Variants in MASP1 observed in about 807,000 individuals in gnomAD.
The protein encoded by MASP1 is MBL associated serine protease 1.
A neutral mutation model predicts 77.1 loss-of-function variants in MASP1; 59 were observed. That is an observed-to-expected ratio of 0.77 (90% CI 0.62 to 0.95). MASP1 has a LOEUF of 0.95. Among genes scored for constraint, MASP1 ranks in the 40% least tolerant of loss-of-function variants. The pLI is 0.00. For synonymous variants in MASP1, 362 were observed against 354.5 expected (o/e 1.02, Z -0.24); for missense variants, 885 against 912.9 (o/e 0.97, Z 0.39).
intron 10 of MASP1, among the ~76,000 whole-genome samples, chr3:187,240,882 C>T (rs1348812549): frequency 5.9e-5 from 9 of 152,190 alleles, no homozygotes; most frequent in African/African-American, 1.4e-4. Context: ...ATGATCCACC[C>T]GCCTTGGCCT....
rs182305673 is a variant in MASP1 at position 187,237,333 on chromosome 3, C to G, written c.1304-766G>C. On this transcript the variant is annotated intron_variant, in intron 10 of 10. Transcript: ENST00000296280. The stretch of plus-strand genomic sequence containing the variant: ...TGACTCTTAAGTCAGATAGCAGAAG[C>G]TTAACTAGATTCTAAGTCTTGTATC... Among the ~76,000 whole-genome samples, 7 of 139,020 alleles carry G rather than the reference C, an allele frequency of 5.0e-5. No homozygotes were observed. The Admixed American group carries it at 5.3e-4, about 11-fold the overall frequency. 91.2% of individuals were successfully genotyped at this position (139,020 alleles called of 152,430 possible).
intron 2 of MASP1, among the ~76,000 whole-genome samples, chr3:187,283,741 A>T (rs936222464): frequency 2.6e-5 from 4 of 152,210 alleles, no homozygotes; most frequent in African/African-American, 9.7e-5. Context: ...GTCTAAATCC[A>T]TGGAACTTAT....
At chr3:187,233,196 T>C (rs1354107576), downstream of MASP1, among the ~76,000 whole-genome samples, 1 of 152,210 alleles carries the variant, frequency 6.6e-6, no homozygotes, top group East Asian at 1.9e-4. Flanking sequence ...TCAGACATAC[T>C]GAATTCAAAT....
rs769971687 is a variant in MASP1 at position 187,235,094 on chromosome 3, A to G, written c.*590T>C. ...GCTTAGACTGCAAGAAGCTTTTGGG[A>G]GAGAAACCCCAGGCATGAAGGTGCT... On this transcript the variant is annotated 3_prime_UTR_variant, in exon 11 of 11. Transcript: ENST00000296280. 7.8e-6 allele frequency: 10 copies of G among 1,287,260 alleles called. No homozygotes were observed. The highest frequency in any genetic ancestry group is 1.0e-5 in the Non-Finnish European group (10 of 988,718). The allele number at this position is 1,287,260 out of a possible 1,614,324, so 79.7% of individuals were successfully genotyped here.
At chr3:187,219,744 C>T (rs919117935) in exon 16 of MASP1, 5 of 392,728 alleles carry the variant, frequency 1.3e-5, no homozygotes, top group Admixed American at 3.6e-5. Context: ...TTAATCTTTT[C>T]CTCATCAGAC....
At chr3:187,250,369 T>C in intron 7 of MASP1, 40 bp from the exon 8 acceptor site, 1 of 1,472,988 alleles carries the variant, frequency 6.8e-7, no homozygotes, top group Non-Finnish European at 9.5e-7. Flanking sequence ...AAGAAGGAGG[T>C]GGGGGTGGTG....
intron 3 of MASP1, among the ~76,000 whole-genome samples, chr3:187,261,127 TG>T (rs1715542294): frequency 1.3e-5 from 2 of 152,202 alleles, no homozygotes; most frequent in African/African-American, 4.8e-5. Context: ...TGACTTCTGG[TG>T]GGACCACTAT....
intron 13 of MASP1, chr3:187,225,278 G>A: frequency 1.2e-6 from 2 of 1,603,640 alleles, no homozygotes; most frequent in Middle Eastern, 2.2e-4. Flanking sequence ...CGGACTCCTT[G>A]TGGAGGCACC....
chr3:187,226,398 C>T (rs769555782), intron 12 of MASP1: 9 of 1,595,568 alleles, frequency 5.6e-6, no homozygotes, highest in Non-Finnish European at 7.7e-6. Context: ...TTGCCCCTCA[C>T]TCACTCACCC....
chr3:187,243,237 C>T, intron 9 of MASP1: 1 of 517,102 alleles, frequency 1.9e-6, no homozygotes, highest in South Asian at 2.1e-5. Context: ...TCAGTGCTAG[C>T]TTTAAAGTTA....
intron 2 of MASP1, among the ~76,000 whole-genome samples, chr3:187,278,752 A>C (rs879594111): frequency 3.9e-5 from 6 of 152,120 alleles, no homozygotes; most frequent in African/African-American, 7.2e-5. Context: ...ACCTCTGCAC[A>C]TCCTACCTGC....
intron 13 of MASP1, among the ~76,000 whole-genome samples, chr3:187,224,340 A>ATTTTT (rs1181826969): frequency 1.7e-4 from 17 of 102,050 alleles, no homozygotes; most frequent in Non-Finnish European, 2.3e-4. Flanking sequence ...TGTGCTGAGT[A>ATTTTT]TTTTTTTTTT....
intron 8 of MASP1, chr3:187,246,258 G>T: frequency 5.1e-6 from 2 of 390,194 alleles, no homozygotes; most frequent in Non-Finnish European, 7.0e-6. Flanking sequence ...ATCTAATGTT[G>T]TCTGCATCAA....
At chr3:187,248,250 A>T (rs1714268960) in intron 8 of MASP1, among the ~76,000 whole-genome samples, 1 of 152,182 alleles carries the variant, frequency 6.6e-6, no homozygotes, top group Non-Finnish European at 1.5e-5. Context: ...AAAAATTATT[A>T]ATGTTTCCTA....
chr3:187,262,003 G>A (rs1362565032), intron 3 of MASP1, among the ~76,000 whole-genome samples: 1 of 152,168 alleles, frequency 6.6e-6, no homozygotes, highest in Non-Finnish European at 1.5e-5. Context: ...TCATTTAAAT[G>A]AAGTTTTAGA....
intron 2 of MASP1, among the ~76,000 whole-genome samples, chr3:187,265,444 T>C (rs1715937173): frequency 6.6e-6 from 1 of 152,160 alleles, no homozygotes; most frequent in Non-Finnish European, 1.5e-5. Context: ...TAAATGGTTA[T>C]CACCTGCAGA....
chr3:187,264,932 T>C (rs928799126), intron 2 of MASP1, among the ~76,000 whole-genome samples: 11 of 152,110 alleles, frequency 7.2e-5, no homozygotes, highest in African/African-American at 2.4e-4. Context: ...AACCTGGCAG[T>C]TGGAGGTCCT....
intron 10 of MASP1, among the ~76,000 whole-genome samples, chr3:187,237,769 T>C (rs1713301693): frequency 6.6e-6 from 1 of 152,218 alleles, no homozygotes; most frequent in South Asian, 2.1e-4. Flanking sequence ...AGACCTACTA[T>C]GAGTGTGGGC....
chr3:187,256,886 G>C, intron 4 of MASP1, 26 bp from the exon 5 acceptor site: 1 of 1,604,782 alleles, frequency 6.2e-7, no homozygotes, highest in Non-Finnish European at 8.5e-7. Context: ...TAGAGAAAAT[G>C]GCGCATCGCA....
Sources: allele counts gnomAD v4.1 joint callset (sites outside exome capture counted in the v4.1 genomes callset), GRCh38; gene constraint gnomAD v4.1.1; transcripts MANE v1.5; gene names NCBI Gene and HGNC (gene_info 2026-07-23, HGNC 2026-07-21).